Variants in KIAA1217 observed in about 807,000 individuals in gnomAD.
KIAA1217 encodes KIAA1217.
Under a neutral mutation model 163.9 loss-of-function variants are expected in KIAA1217, and 88 were observed. That is an observed-to-expected ratio of 0.54 (90% CI 0.45 to 0.64). The LOEUF is 0.64. Among genes scored for constraint, KIAA1217 ranks in the 30% least tolerant of loss-of-function variants. KIAA1217 has a pLI of 0.00. For missense variants in KIAA1217, 2,372 were observed against 2,475.0 expected (o/e 0.96, Z 0.88); for synonymous variants, 903 against 923.1 (o/e 0.98, Z 0.39).
At chr10:24,416,001 C>A (rs539895890) in intron 3 of KIAA1217, among the ~76,000 whole-genome samples, 68 of 152,130 alleles carry the variant, frequency 4.5e-4, no homozygotes, top group Non-Finnish European at 7.9e-4. Flanking sequence ...AGGGATGATC[C>A]GGCTGGCTGC....
chr10:24,062,548 T>G (rs2131604739), intron 2 of KIAA1217, among the ~76,000 whole-genome samples: 1 of 151,470 alleles, frequency 6.6e-6, no homozygotes, highest in Non-Finnish European at 1.5e-5. Flanking sequence ...TTGTTGGACA[T>G]TTGGGTTGGT....
chr10:24,242,861 T>A (rs1481280617), intron 2 of KIAA1217, among the ~76,000 whole-genome samples: 1 of 152,254 alleles, frequency 6.6e-6, no homozygotes, highest in African/African-American at 2.4e-5. Flanking sequence ...TTTTTTCATA[T>A]GTTTGTTGGC....
At chr10:24,286,358 G>A (rs2078535283) in intron 2 of KIAA1217, among the ~76,000 whole-genome samples, 1 of 151,908 alleles carries the variant, frequency 6.6e-6, no homozygotes, top group Non-Finnish European at 1.5e-5. Flanking sequence ...TTAAAAGTTA[G>A]TTCAGAATAA....
chr10:24,182,227 G>C (rs551787263), intron 2 of KIAA1217, among the ~76,000 whole-genome samples: 1 of 152,314 alleles, frequency 6.6e-6, no homozygotes, highest in South Asian at 2.1e-4. Context: ...CTTGTGGCCA[G>C]GAGTTTGACA....
intron 1 of KIAA1217, among the ~76,000 whole-genome samples, chr10:23,926,207 G>A (rs889687080): frequency 3.9e-5 from 6 of 152,152 alleles, no homozygotes; most frequent in South Asian, 2.1e-4. Flanking sequence ...ACCCAGGGCC[G>A]GGATGGGTGG....
chr10:23,980,484 C>A (rs1845717095), intron 1 of KIAA1217, among the ~76,000 whole-genome samples: 1 of 152,180 alleles, frequency 6.6e-6, no homozygotes, highest in Non-Finnish European at 1.5e-5. Context: ...CTGACTCTAT[C>A]TGACAATCAC....
intron 2 of KIAA1217, among the ~76,000 whole-genome samples, chr10:24,162,079 C>CA (rs2065145972): frequency 6.6e-6 from 1 of 152,210 alleles, no homozygotes; most frequent in Admixed American, 6.5e-5. Flanking sequence ...TCCCACTCCC[C>CA]AAACTGCAAG....
At chr10:24,054,596 C>A (rs1403036016) in intron 2 of KIAA1217, among the ~76,000 whole-genome samples, 1 of 152,206 alleles carries the variant, frequency 6.6e-6, no homozygotes, top group African/African-American at 2.4e-5. Flanking sequence ...TTCATGCCTG[C>A]CCCTTCTGCA....
At chr10:23,699,260 C>G (rs1588619811) in intron 1 of KIAA1217, among the ~76,000 whole-genome samples, 1 of 152,244 alleles carries the variant, frequency 6.6e-6, no homozygotes, top group Admixed American at 6.5e-5. Context: ...GAAGCTTGGA[C>G]TGGGTGTTCC....
chr10:23,736,020 A>G (rs1420851837), intron 1 of KIAA1217, among the ~76,000 whole-genome samples: 2 of 152,208 alleles, frequency 1.3e-5, no homozygotes, highest in Non-Finnish European at 2.9e-5. Context: ...AAATTGCCCA[A>G]CTATTTTCCA....
intron 2 of KIAA1217, among the ~76,000 whole-genome samples, chr10:24,016,366 C>T (rs2131502105): frequency 6.6e-6 from 1 of 152,158 alleles, no homozygotes; most frequent in South Asian, 2.1e-4. Context: ...GTTTTCTCAG[C>T]TCAGTGATCA....
chr10:24,415,753 TG>T (rs2058196165), intron 3 of KIAA1217, among the ~76,000 whole-genome samples: 1 of 152,198 alleles, frequency 6.6e-6, no homozygotes, highest in Non-Finnish European at 1.5e-5. Flanking sequence ...GCCATCTCTC[TG>T]GACCCTCAAA....
At chr10:24,119,453 TA>T (rs200182954) in intron 2 of KIAA1217, among the ~76,000 whole-genome samples, 6 of 151,266 alleles carry the variant, frequency 4.0e-5, no homozygotes, top group Non-Finnish European at 7.4e-5. Context: ...TAAAAATTTT[TA>T]AAAAAAACAA....
chr10:24,392,700 C>T lies in KIAA1217; in HGVS notation c.553+11633C>T, dbSNP rs1162517779. 2.6e-5 allele frequency among the ~76,000 whole-genome samples: 4 copies of T among 152,324 alleles called. No homozygotes were observed. In the South Asian group the frequency reaches 8.3e-4, roughly 32 times the overall value. On this transcript the variant is annotated intron_variant, in intron 3 of 20. Transcript: ENST00000376454. ...TCCAATAATACCAGCTACTACTCTA[C>T]ACTTTCCCCGGGAATGACATTGGAA...
chr10:24,368,155 T>A (rs1159004181), intron 2 of KIAA1217, among the ~76,000 whole-genome samples: 1 of 152,236 alleles, frequency 6.6e-6, no homozygotes, highest in African/African-American at 2.4e-5. Context: ...ATCCTTAATT[T>A]TATTCTTAAT....
At chr10:23,866,038 T>C (rs1489081165) in intron 1 of KIAA1217, among the ~76,000 whole-genome samples, 3 of 152,286 alleles carry the variant, frequency 2.0e-5, no homozygotes, top group Admixed American at 2.0e-4. Context: ...GTATTCTTTT[T>C]TCTCATGATT....
At chr10:24,134,101 G>A (rs12357667) in intron 2 of KIAA1217, among the ~76,000 whole-genome samples, 59,342 of 152,030 alleles carry the variant, frequency 0.39, 12,253 homozygotes, top group South Asian at 0.47. Context: ...TGAAATAGAC[G>A]TCATTTGCTT....
intron 2 of KIAA1217, among the ~76,000 whole-genome samples, chr10:24,117,096 G>GA: frequency 1.3e-5 from 2 of 152,024 alleles, no homozygotes; most frequent in South Asian, 4.2e-4. Context: ...GGAGTGCAGT[G>GA]GCTCAATCTC....
chr10:24,132,277 A>C (rs191695908), intron 2 of KIAA1217, among the ~76,000 whole-genome samples: 1 of 152,320 alleles, frequency 6.6e-6, no homozygotes, highest in East Asian at 1.9e-4. Flanking sequence ...AAAGACGAAA[A>C]GAAAATAGGA....
Sources: allele counts gnomAD v4.1 joint callset (sites outside exome capture counted in the v4.1 genomes callset), GRCh38; gene constraint gnomAD v4.1.1; transcripts MANE v1.5; gene names NCBI Gene and HGNC (gene_info 2026-07-23, HGNC 2026-07-21).